ARHGAP36: variants seen among roughly 807,000 people sequenced by gnomAD.
ARHGAP36 encodes the protein rho GTPase-activating protein 36.
A neutral mutation model predicts 32.9 loss-of-function variants in ARHGAP36; 7 were observed. That is an observed-to-expected ratio of 0.21 (90% confidence interval 0.12 to 0.40). ARHGAP36 has a LOEUF of 0.40. Among genes scored for constraint, ARHGAP36 ranks in the 10% least tolerant of loss-of-function variants. ARHGAP36 has a pLI of 1.00. For synonymous variants in ARHGAP36, 165 were observed against 168.3 expected (o/e 0.98, Z 0.15); for missense variants, 383 against 442.2 (o/e 0.87, Z 1.20).
At chrX:131,088,036 A>G (rs755522584) in intron 11 of ARHGAP36, among the ~76,000 whole-genome samples, 2 of 112,653 alleles carry the variant, frequency 1.8e-5, no homozygotes, top group Admixed American at 1.9e-4. Flanking sequence ...TGGATGTGGA[A>G]GAAGTCCCAA....
At chrX:131,070,259 G>C (rs1308679328) in intron 1 of ARHGAP36, among the ~76,000 whole-genome samples, 4 of 112,346 alleles carry the variant, frequency 3.6e-5, no homozygotes, top group Admixed American at 2.8e-4. Context: ...TTCCTGGAGG[G>C]CAGAGGCCCT....
Position 131,085,064 on chromosome X carries a change from A to AGTGAGTC in ARHGAP36, c.955+1_955+7dup. On this transcript the variant is annotated frameshift_variant and splice_region_variant. Transcript: ENST00000276211. LOFTEE classifies it high-confidence loss of function. The stretch of plus-strand genomic sequence containing the variant: ...GTACATGTCATTCCTCCTGACAGCA[A>AGTGAGTC]GTGAGTCTTCTGACCTCCCTAGTAG... The AGTGAGTC allele has an allele frequency of 1.7e-6, 2 of 1,208,306 alleles. No individual in the cohort carries two copies. The highest frequency in any genetic ancestry group is 5.9e-5 in the East Asian group (2 of 33,822).
At chrX:131,063,303 G>A (rs190795477) in intron 1 of ARHGAP36, among the ~76,000 whole-genome samples, 10 of 111,563 alleles carry the variant, frequency 9.0e-5, no homozygotes, top group Admixed American at 7.6e-4. Flanking sequence ...ATACTCAGCA[G>A]CTGGTAGGTC....
intron 1 of ARHGAP36, among the ~76,000 whole-genome samples, chrX:131,072,375 G>A (rs779109755): frequency 2.7e-5 from 3 of 112,369 alleles, no homozygotes; most frequent in Non-Finnish European, 5.6e-5. Context: ...AAAGCAGAAA[G>A]AGTGAGGCAA....
Position 131,086,041 on chromosome X carries a change from T to C in ARHGAP36, c.1233T>C (p.Ser411=). 1.7e-6 allele frequency: 2 copies of C among 1,211,848 alleles called. No individual in the cohort carries two copies. The highest frequency in any genetic ancestry group is 2.2e-6 in the Non-Finnish European group (2 of 895,569). Residue 411 remains serine (S), a synonymous_variant, in exon 9 of 12, where the codon TCT becomes TCC. Coordinates refer to ENST00000276211, the MANE Select transcript of ARHGAP36 (RefSeq NM_144967.4). ...TGGGGATTGATCACTATGTTGCTTC[T>C]GTCAATGTGGTCCGTGCCATGATTG... ...TKLGIDHYVA[S]VNVVRAMIDN... is the part of the protein sequence containing the mutation.
At chrX:131,087,680 GATGAA>G (rs1432827362) in intron 11 of ARHGAP36, among the ~76,000 whole-genome samples, 1 of 111,897 alleles carries the variant, frequency 8.9e-6, no homozygotes, top group Non-Finnish European at 1.9e-5. Context: ...CTCTGATTTT[GATGAA>G]ATGCAAGACC....
At chrX:131,080,571 C>T (rs1043828161) in intron 1 of ARHGAP36, among the ~76,000 whole-genome samples, 6 of 111,440 alleles carry the variant, frequency 5.4e-5, no homozygotes, top group Non-Finnish European at 1.1e-4. Context: ...AGGGGCATAC[C>T]CCATTGGGGA....
intron 1 of ARHGAP36, among the ~76,000 whole-genome samples, chrX:131,068,682 A>G (rs866484353): frequency 8.0e-4 from 3 of 3,764 alleles, no homozygotes; most frequent in Non-Finnish European, 5.5e-4. Context: ...ACCCGCCCCC[A>G]CCCCCCGAGC....
chrX:131,071,180 G>GAGAGAC (rs372437082), intron 1 of ARHGAP36, among the ~76,000 whole-genome samples: 11 of 110,267 alleles, frequency 1.0e-4, no homozygotes, highest in South Asian at 8.0e-4. Flanking sequence ...GAGAGAGAGA[G>GAGAGAC]AGAGACAGAG....
intron 1 of ARHGAP36, among the ~76,000 whole-genome samples, chrX:131,065,484 T>C (rs145002083): frequency 0.03 from 3,375 of 111,143 alleles, 123 homozygotes; most frequent in African/African-American, 0.1. Context: ...AGCCAGTATA[T>C]TCAGAGGAGA....
rs777502966 is a variant in ARHGAP36, at chrX:131,087,507, T to A, written c.1486+842T>A. On this transcript the variant is annotated intron_variant, in intron 11 of 11. Transcript: ENST00000276211. ...GTGGACTCTCAGACCCTGAAGAAGA[T>A]CCCAGTCTTGAAGAGGTCTCAGATT... Among the ~76,000 whole-genome samples the A allele has an allele frequency of 7.2e-5, 8 of 111,383 alleles. No individual in the cohort carries two copies. In the South Asian group the frequency reaches 3.0e-3, roughly 42 times the overall value.
At chrX:131,082,259 G>T (rs2079805402) in intron 2 of ARHGAP36, among the ~76,000 whole-genome samples, 1 of 112,072 alleles carries the variant, frequency 8.9e-6, no homozygotes. Context: ...AGACGGAAGC[G>T]CAGAGGGACA....
intron 2 of ARHGAP36, among the ~76,000 whole-genome samples, chrX:131,082,764 C>A (rs754589687): frequency 4.4e-5 from 5 of 113,159 alleles, no homozygotes; most frequent in Non-Finnish European, 7.5e-5. Context: ...GCGAGCGCGC[C>A]CGCAGTAACT....
chrX:131,080,123 A>G (rs1361222321), intron 1 of ARHGAP36, among the ~76,000 whole-genome samples: 1 of 112,030 alleles, frequency 8.9e-6, no homozygotes, highest in East Asian at 2.8e-4. Flanking sequence ...AAGCTGGCTT[A>G]TAGGGCCATC....
At chrX:131,076,341 C>T (rs1331143506) in intron 1 of ARHGAP36, among the ~76,000 whole-genome samples, 1 of 112,375 alleles carries the variant, frequency 8.9e-6, no homozygotes, top group Non-Finnish European at 1.9e-5. Context: ...CACCCTGATA[C>T]ATATTGCAGA....
intron 1 of ARHGAP36, among the ~76,000 whole-genome samples, chrX:131,059,258 A>T (rs1203672543): frequency 8.9e-6 from 1 of 111,851 alleles, no homozygotes. Flanking sequence ...TTAAAGTTTC[A>T]GGAGACTGAT....
At chrX:131,072,007 T>G (rs1174240364) in intron 1 of ARHGAP36, among the ~76,000 whole-genome samples, 1 of 112,254 alleles carries the variant, frequency 8.9e-6, no homozygotes, top group Admixed American at 9.4e-5. Context: ...TATATATTTT[T>G]GCTTGGTTGA....
At position 131,076,710 on chromosome X, in the gene ARHGAP36, G is replaced by A. The variant is rs191328317; in HGVS notation, c.-142-4814G>A. ...GAGCCCTGAGACTGAAGAGAACTGG[G>A]TTCTTGTCCAAGCTCTGTTGTCAAA... On this transcript the variant is annotated intron_variant, in intron 1 of 11. Transcript: ENST00000276211. 3.5e-3 allele frequency among the ~76,000 whole-genome samples: 396 copies of A among 112,033 alleles called. 4 individuals are homozygous for A. Among genetic ancestry groups the A allele is most frequent in the African/African-American group, 0.012 (377 of 30,840 alleles).
chrX:131,080,972 T>C (rs1042820477), intron 1 of ARHGAP36, among the ~76,000 whole-genome samples: 1 of 112,368 alleles, frequency 8.9e-6, no homozygotes, highest in Non-Finnish European at 1.9e-5. Flanking sequence ...TTTGTAAATA[T>C]AACTTTAATG....
Sources: gnomAD v4.1 joint callset for allele counts (sites outside exome capture counted in the v4.1 genomes callset) on GRCh38, gnomAD v4.1.1 for gene constraint, MANE v1.5 for transcripts, NCBI Gene and HGNC (gene_info 2026-07-23, HGNC 2026-07-21) for gene names.